PRMT7: variants seen among roughly 807,000 people sequenced by gnomAD.
PRMT7 encodes protein arginine N-methyltransferase 7.
A neutral mutation model predicts 85.4 loss-of-function variants in PRMT7; 75 were observed. The ratio of observed to expected loss-of-function variants is 0.88; its 90% confidence interval spans 0.73 to 1.06. The LOEUF is 1.06. Ranked by LOEUF, PRMT7 falls within the 50% of genes least tolerant of loss-of-function variation. The probability of loss-of-function intolerance (pLI) is 0.00; values close to 1 mark genes in which losing one functional copy is unlikely to be tolerated. For synonymous variants in PRMT7, 397 were observed against 359.5 expected, an observed-to-expected ratio of 1.10 and a Z score of -1.18; for missense variants, 868 against 915.2, an observed-to-expected ratio of 0.95 and a Z score of 0.67.
At chr16:68,326,166 G>A (rs1003432730) in intron 5 of PRMT7, among the ~76,000 whole-genome samples, 5 of 152,092 alleles carry the variant, frequency 3.3e-5, no homozygotes, top group Non-Finnish European at 7.4e-5. Context: ...ATTCTTCCAA[G>A]TTTTGGGGGC....
At chr16:68,345,824 T>C in intron 10 of PRMT7, 22 bp downstream of exon 10, 5 of 1,613,212 alleles carry the variant, frequency 3.1e-6, no homozygotes, top group Non-Finnish European at 4.2e-6. Flanking sequence ...CTCGTGGGGG[T>C]GGAGGATGAG....
chr16:68,318,498 C>G (rs992378036), intron 3 of PRMT7, among the ~76,000 whole-genome samples: 4 of 152,152 alleles, frequency 2.6e-5, no homozygotes, highest in Non-Finnish European at 4.4e-5. Context: ...TGCACCTGCC[C>G]AGGTCTTAAA....
intron 6 of PRMT7, among the ~76,000 whole-genome samples, chr16:68,331,023 C>G (rs887412099): frequency 6.6e-6 from 1 of 152,126 alleles, no homozygotes; most frequent in Non-Finnish European, 1.5e-5. Context: ...AATATAAACA[C>G]ACTTGTAACC....
At chr16:68,338,208 C>G (rs775776171) in intron 7 of PRMT7, among the ~76,000 whole-genome samples, 11 of 152,046 alleles carry the variant, frequency 7.2e-5, no homozygotes, top group Non-Finnish European at 1.5e-4. Context: ...GTGGAATCGT[C>G]CAGACGCTGT....
In PRMT7 at chr16:68,339,351, C is replaced by A. The variant is rs2085177619; in HGVS notation, c.534C>A (p.Ala178=). 3.7e-6 allele frequency: 6 copies of A among 1,614,154 alleles called. No homozygotes were observed. The highest frequency in any genetic ancestry group is 5.1e-6 in the Non-Finnish European group (6 of 1,180,028). ...ATTGTGAGGCCGTGCCCCACAGAGC[C>A]ACCGTCTATGCACAGCTGGTGGAGT... ...EENCEAVPHR[A]TVYAQLVESG... is the part of the protein sequence containing the mutation. Residue 178 remains alanine (A), a synonymous_variant, in exon 8 of 19, where the codon GCC becomes GCA. Coordinates refer to ENST00000441236, the MANE Select transcript of PRMT7 (RefSeq NM_019023.5).
Position 68,321,398 on chromosome 16 carries a change from A to T in PRMT7, c.96-28A>T, listed in dbSNP as rs773959276. 3.8e-6 allele frequency: 6 copies of T among 1,580,490 alleles called. No homozygotes were observed. In the South Asian group the frequency reaches 6.7e-5, roughly 18 times the overall value. Reference sequence around the variant, plus strand: ...TCTTGTGTGTTGATGTGTATCATGCAAAGGTTACTGACTTTTTTGTTTTTT... The same window carrying T: ...TCTTGTGTGTTGATGTGTATCATGCTAAGGTTACTGACTTTTTTGTTTTTT... On this transcript the variant is annotated intron_variant, in intron 3 of 18. Coordinates refer to ENST00000441236, the MANE Select transcript of PRMT7 (RefSeq NM_019023.5).
At chr16:68,313,508 G>A (rs184601235) in intron 2 of PRMT7, among the ~76,000 whole-genome samples, 23 of 152,218 alleles carry the variant, frequency 1.5e-4, no homozygotes, top group Admixed American at 9.8e-4. Flanking sequence ...TTTCTAATTG[G>A]ATGAAATGCC....
downstream of PRMT7, chr16:68,359,114 T>C (rs1456816764): frequency 6.6e-6 from 1 of 152,296 alleles, no homozygotes; most frequent in African/African-American, 2.4e-5. Flanking sequence ...GGTGCCTGGG[T>C]GGGGAAGCTA....
At chr16:68,324,107 A>G (rs141799438) in intron 4 of PRMT7, 2 of 153,286 alleles carry the variant, frequency 1.3e-5, no homozygotes, top group Admixed American at 1.3e-4. Flanking sequence ...GAGTAACCTA[A>G]CAGTAGAGAT....
At chr16:68,325,170 C>A (rs2082960893) in intron 5 of PRMT7, among the ~76,000 whole-genome samples, 1 of 151,908 alleles carries the variant, frequency 6.6e-6, no homozygotes, top group Admixed American at 6.6e-5. Context: ...CCAGCCTGGG[C>A]AACATAGTGA....
At chr16:68,323,193 A>G (rs2082702824) in intron 4 of PRMT7, among the ~76,000 whole-genome samples, 1 of 149,044 alleles carries the variant, frequency 6.7e-6, no homozygotes, top group African/African-American at 2.5e-5. Context: ...AGGCAACGTC[A>G]TTTCTTTTTT....
chr16:68,348,582 G>A, intron 14 of PRMT7, 151 bp downstream of exon 14: 1 of 498,280 alleles, frequency 2.0e-6, no homozygotes, highest in East Asian at 3.6e-5. Context: ...CATCAAGGGT[G>A]TGGTGAAGCT....
intron 6 of PRMT7, among the ~76,000 whole-genome samples, chr16:68,331,061 C>T (rs926784163): frequency 1.3e-5 from 2 of 152,116 alleles, no homozygotes; most frequent in Non-Finnish European, 2.9e-5. Context: ...GATAATAGAA[C>T]ATCTCCATCA....
chr16:68,330,890 C>T (rs537744970), intron 6 of PRMT7, among the ~76,000 whole-genome samples: 51 of 152,176 alleles, frequency 3.4e-4, no homozygotes, highest in South Asian at 1.5e-3. Context: ...CCACCGCGCC[C>T]GGCCTATCTT....
At chr16:68,330,229 A>C (rs904089314) in intron 6 of PRMT7, among the ~76,000 whole-genome samples, 2 of 152,186 alleles carry the variant, frequency 1.3e-5, no homozygotes, top group Non-Finnish European at 2.9e-5. Flanking sequence ...ACTTTGTTTC[A>C]GTCTTTGAAA....
rs766820981 is a variant in PRMT7 at position 68,321,429 on chromosome 16, A to G, written c.99A>G (p.Ser33=). The change falls in exon 4 of 19, where the codon TCA becomes TCG. Residue 33 remains serine (S), a synonymous_variant. Transcript: ENST00000441236. ...TACTGACTTTTTTGTTTTTTAGGTC[A>G]TCTTATGCAGATATGCTACATGACA... The part of the protein sequence containing the change: ...HYDYHQEIAR[S]SYADMLHDKD... 1.9e-6 allele frequency: 3 copies of G among 1,609,068 alleles called. No homozygotes were observed. The highest frequency in any genetic ancestry group is 1.3e-5 in the African/African-American group (1 of 74,816).
intron 4 of PRMT7, among the ~76,000 whole-genome samples, chr16:68,323,105 A>T: frequency 6.6e-6 from 1 of 152,186 alleles, no homozygotes; most frequent in East Asian, 1.9e-4. Context: ...AAATGCACTT[A>T]CTTTGACAAT....
In PRMT7 at chr16:68,355,750, G is replaced by A. The variant is rs770892656; in HGVS notation, c.1678G>A (p.Glu560Lys). 1.2e-5 allele frequency: 19 copies of A among 1,607,958 alleles called. No homozygotes were observed. In the Middle Eastern group the frequency reaches 1.7e-3, roughly 140 times the overall value. Residue 560 changes from glutamate to lysine, a missense_variant, in exon 17 of 19, where the codon GAA (glutamate) becomes AAA (lysine). Transcript: ENST00000441236. Reference sequence around the variant, plus strand: ...TGCCCTGGACTTCAGGGAGAGCAGGGAAGCTGAGCCCCACCCGCTGTGGGA... The same window carrying A: ...TGCCCTGGACTTCAGGGAGAGCAGGAAAGCTGAGCCCCACCCGCTGTGGGA... ...KRALDFRESR[E>K]AEPHPLWEYP...
At position 68,335,402 on chromosome 16, in the gene PRMT7, G is replaced by A. The variant is rs373457699; in HGVS notation, c.392-2057G>A. On this transcript the variant is annotated intron_variant, in intron 6 of 18. Coordinates refer to ENST00000441236, the MANE Select transcript of PRMT7 (RefSeq NM_019023.5). ...AGAAACCCTGGAGGGAGGAGCAGGC[G>A]TGTTAGCTGGGGTGGGTGGGATGAG... Among the ~76,000 whole-genome samples, 42 of 152,078 alleles carry A rather than the reference G, an allele frequency of 2.8e-4. 2 individuals are homozygous for A. The highest frequency in any genetic ancestry group is 7.4e-5 in the Non-Finnish European group (5 of 68,014).
Sources: allele counts gnomAD v4.1 joint callset (sites outside exome capture counted in the v4.1 genomes callset), GRCh38; gene constraint gnomAD v4.1.1; transcripts MANE v1.5; gene names NCBI Gene and HGNC (gene_info 2026-07-23, HGNC 2026-07-21).